The following ATF6 variants were observed in gnomAD, a reference collection of about 807,000 sequenced individuals.
ATF6 encodes the protein cyclic AMP-dependent transcription factor ATF-6 alpha.
Under a neutral mutation model 83.6 loss-of-function variants are expected in ATF6, and 53 were observed. The ratio of observed to expected loss-of-function variants is 0.63; its 90% CI spans 0.51 to 0.80. The LOEUF (loss-of-function observed/expected upper bound fraction) is 0.80. Among genes scored for constraint, ATF6 ranks in the 30% least tolerant of loss-of-function variants. ATF6 has a pLI of 0.00. For missense variants in ATF6, 744 were observed against 797.9 expected, an observed-to-expected ratio of 0.93 and a Z score of 0.81; for synonymous variants, 288 against 285.8, an observed-to-expected ratio of 1.01 and a Z score of -0.08.
chr1:161,796,453 G>A (rs1685023767), intron 6 of ATF6, among the ~76,000 whole-genome samples: 1 of 152,120 alleles, frequency 6.6e-6, no homozygotes, highest in Admixed American at 6.5e-5. Flanking sequence ...GTATATTGTG[G>A]ACCCTGGGAT....
intron 14 of ATF6, among the ~76,000 whole-genome samples, chr1:161,889,497 C>G (rs7537054): frequency 0.15 from 22,104 of 152,252 alleles, 2,196 homozygotes; most frequent in East Asian, 0.32. Context: ...TTATCTTGTT[C>G]ACACTTTCTT....
rs567489947 is a variant in ATF6 at position 161,939,043 on chromosome 1, A to G, written c.1805-19403A>G. Among the ~76,000 whole-genome samples, 13 of 152,224 alleles carry G rather than the reference A, an allele frequency of 8.5e-5. 1 individual carries two copies. Among genetic ancestry groups the G allele is most frequent in the Middle Eastern group, 3.4e-3 (1 of 294 alleles). On this transcript the variant is annotated intron_variant, in intron 15 of 15. Transcript: ENST00000367942. ...TATAACCCACTCCAAATAGGCTTTCATCTCGTCGCTCCACTGAAACTACTT... is the reference window on the plus strand; with the variant it reads ...TATAACCCACTCCAAATAGGCTTTCGTCTCGTCGCTCCACTGAAACTACTT...
chr1:161,903,607 TA>T (rs879804840), intron 14 of ATF6, among the ~76,000 whole-genome samples: 61 of 150,868 alleles, frequency 4.0e-4, no homozygotes, highest in Admixed American at 3.3e-4. Context: ...TCCCTTTTTT[TA>T]AAAAAAAAAT....
At chr1:161,919,282 A>T (rs1182499578) in intron 15 of ATF6, among the ~76,000 whole-genome samples, 1 of 152,174 alleles carries the variant, frequency 6.6e-6, no homozygotes, top group Non-Finnish European at 1.5e-5. Flanking sequence ...AGGCTTTTTT[A>T]AAAAAGGATT....
intron 9 of ATF6, among the ~76,000 whole-genome samples, chr1:161,842,350 A>G (rs997407467): frequency 1.1e-4 from 16 of 152,366 alleles, no homozygotes; most frequent in Middle Eastern, 3.4e-3. Context: ...TGATCCAGCA[A>G]TTCCACTACT....
rs147295482 is a variant in ATF6 at position 161,915,011 on chromosome 1, A to G, written c.1804+2631A>G. Among the ~76,000 whole-genome samples the G allele has an allele frequency of 2.7e-3, 410 of 152,132 alleles. 1 individual carries two copies. The highest frequency in any genetic ancestry group is 9.6e-3 in the African/African-American group (398 of 41,466). ...TTTAATATGCCAGTCATTACTAGTA[A>G]ATTCACTTTCCCTCTCTCTGAAAAA... is the stretch of plus-strand genomic sequence containing the variant. On this transcript the variant is annotated intron_variant, in intron 15 of 15. Transcript: ENST00000367942.
chr1:161,856,179 T>C (rs1557997848), intron 12 of ATF6, among the ~76,000 whole-genome samples: 1 of 152,266 alleles, frequency 6.6e-6, no homozygotes, highest in African/African-American at 2.4e-5. Context: ...TTAACCATTA[T>C]GGAACTGTTT....
chr1:161,918,912 G>A (rs1688151442), intron 15 of ATF6, among the ~76,000 whole-genome samples: 1 of 152,138 alleles, frequency 6.6e-6, no homozygotes. Flanking sequence ...TCCAATTTAA[G>A]CACAGTAAAT....
chr1:161,769,521 G>A (rs894070473), intron 1 of ATF6, among the ~76,000 whole-genome samples: 1 of 152,214 alleles, frequency 6.6e-6, no homozygotes, highest in African/African-American at 2.4e-5. Flanking sequence ...TCCACAGGAG[G>A]TGGGGACAGG....
intron 15 of ATF6, among the ~76,000 whole-genome samples, chr1:161,924,681 A>C (rs1294471934): frequency 2.6e-5 from 4 of 152,344 alleles, no homozygotes; most frequent in South Asian, 4.1e-4. Flanking sequence ...AATTGTTAGG[A>C]AGGCCATATA....
intron 15 of ATF6, among the ~76,000 whole-genome samples, chr1:161,926,908 A>T (rs1163307658): frequency 1.8e-5 from 2 of 113,458 alleles, no homozygotes; most frequent in Non-Finnish European, 4.3e-5. Flanking sequence ...GTCAAGTAAT[A>T]GTTACGTTGC....
chr1:161,811,915 T>C (rs1685475732), intron 7 of ATF6, among the ~76,000 whole-genome samples: 1 of 152,228 alleles, frequency 6.6e-6, no homozygotes, highest in Admixed American at 6.5e-5. Context: ...ACTTCAATAA[T>C]TTACATTAAT....
At chr1:161,902,972 G>A (rs184888594) in intron 14 of ATF6, among the ~76,000 whole-genome samples, 2 of 152,276 alleles carry the variant, frequency 1.3e-5, no homozygotes, top group African/African-American at 4.8e-5. Context: ...AAAGGCCACA[G>A]CTGAGGCCGC....
At chr1:161,917,054 T>C (rs1481405734) in intron 15 of ATF6, among the ~76,000 whole-genome samples, 2 of 152,220 alleles carry the variant, frequency 1.3e-5, no homozygotes, top group Non-Finnish European at 2.9e-5. Flanking sequence ...TTGTTTGTTA[T>C]GTTCGCCACT....
Position 161,819,746 on chromosome 1 carries a change from C to G in ATF6, c.1023C>G (p.Ala341=). ...MLGLEARLKA[A]LSENEQLKKE... ...GGTTAGAGGCGAGATTAAAGGCTGC[C>G]CTCTCAGAAAACGAGCAACTGAAGA... Residue 341 remains alanine, a synonymous_variant, in exon 8 of 16, where the codon GCC becomes GCG. Coordinates refer to ENST00000367942, the MANE Select transcript of ATF6 (RefSeq NM_007348.4). 1 of 1,612,156 alleles carries G rather than the reference C, an allele frequency of 6.2e-7. No homozygotes were observed. Among genetic ancestry groups the G allele is most frequent in the Non-Finnish European group, 8.5e-7 (1 of 1,179,178 alleles).
intron 1 of ATF6, among the ~76,000 whole-genome samples, chr1:161,774,126 C>T (rs1684461223): frequency 6.6e-6 from 1 of 152,128 alleles, no homozygotes; most frequent in South Asian, 2.1e-4. Flanking sequence ...TAAAAAGCAT[C>T]AATTCATTTT....
At chr1:161,801,149 G>A (rs1435902883) in intron 6 of ATF6, among the ~76,000 whole-genome samples, 2 of 152,040 alleles carry the variant, frequency 1.3e-5, no homozygotes, top group Non-Finnish European at 2.9e-5. Flanking sequence ...GATTAAGGAT[G>A]TTCAACCTCT....
intron 15 of ATF6, among the ~76,000 whole-genome samples, chr1:161,931,533 A>G (rs1284157333): frequency 1.3e-5 from 2 of 151,960 alleles, no homozygotes; most frequent in East Asian, 1.9e-4. Flanking sequence ...TTTAAAATCT[A>G]TAACTCAGTG....
chr1:161,789,252 CTTTTT>C (rs71755584), intron 4 of ATF6, among the ~76,000 whole-genome samples: 21 of 101,368 alleles, frequency 2.1e-4, no homozygotes, highest in African/African-American at 9.5e-4. Context: ...ATTCCTTCTC[CTTTTT>C]TTTTTTTTTT....
Sources: gnomAD v4.1 joint callset for allele counts (sites outside exome capture counted in the v4.1 genomes callset) on GRCh38, gnomAD v4.1.1 for gene constraint, MANE v1.5 for transcripts, NCBI Gene and HGNC (gene_info 2026-07-23, HGNC 2026-07-21) for gene names.